The following CRTAC1 variants were observed in gnomAD, a reference collection of about 807,000 sequenced individuals.
CRTAC1 encodes cartilage acidic protein 1.
In CRTAC1, 37 loss-of-function variants were observed where a neutral mutation model predicts 67.8. The observed-to-expected ratio is 0.55, with a 90% CI of 0.42 to 0.72. The LOEUF (loss-of-function observed/expected upper bound fraction) is 0.72, where lower values mean the gene tolerates loss of function less well. Among genes scored for constraint, CRTAC1 ranks in the 30% least tolerant of loss-of-function variants. CRTAC1 has a pLI of 0.00. For missense variants in CRTAC1, 780 were observed against 931.6 expected (o/e 0.84, Z 2.12); for synonymous variants, 348 against 371.0 (o/e 0.94, Z 0.71).
At chr10:98,006,770 A>G (rs544225231) in intron 2 of CRTAC1, among the ~76,000 whole-genome samples, 1 of 152,300 alleles carries the variant, frequency 6.6e-6, no homozygotes, top group East Asian at 1.9e-4. Flanking sequence ...AGGGGTGGCA[A>G]AAGTAAATGC....
chr10:98,011,551 G>A (rs1253678464), intron 1 of CRTAC1, among the ~76,000 whole-genome samples: 2 of 151,300 alleles, frequency 1.3e-5, no homozygotes, highest in East Asian at 1.9e-4. Context: ...ATGGCTGATC[G>A]CCCTTAGCCT....
intron 7 of CRTAC1, among the ~76,000 whole-genome samples, chr10:97,903,798 C>T (rs769047385): frequency 1.6e-4 from 24 of 152,246 alleles, no homozygotes; most frequent in Non-Finnish European, 2.6e-4. Flanking sequence ...ATCACTGTCA[C>T]TAACAGCCCT....
chr10:97,943,615 A>G (rs1216804973), intron 2 of CRTAC1, among the ~76,000 whole-genome samples: 2 of 152,286 alleles, frequency 1.3e-5, no homozygotes, highest in African/African-American at 2.4e-5. Context: ...TGACTTCTAA[A>G]GTCAAACAGC....
intron 2 of CRTAC1, among the ~76,000 whole-genome samples, chr10:97,997,230 TATA>T (rs111567944): frequency 0.19 from 25,188 of 131,396 alleles, 2,394 homozygotes; most frequent in Non-Finnish European, 0.21. Context: ...AAACTTAAAG[TATA>T]ATAATAATAA....
Position 97,889,709 on chromosome 10 carries a change from C to T in CRTAC1, c.1487-5358G>A, listed in dbSNP as rs575732277. On this transcript the variant is annotated intron_variant, in intron 11 of 14. Transcript: ENST00000370597. The stretch of plus-strand genomic sequence containing the variant: ...ACGTGTACACACTCACATACATGTC[C>T]GTGTACTCACACATGCGCACTGCAC... 2.1e-4 allele frequency among the ~76,000 whole-genome samples: 32 copies of T among 152,202 alleles called. No homozygotes were observed. The South Asian group carries it at 6.0e-3, about 29-fold the overall frequency.
At chr10:97,983,693 C>T (rs1352305080) in intron 2 of CRTAC1, among the ~76,000 whole-genome samples, 1 of 152,162 alleles carries the variant, frequency 6.6e-6, no homozygotes, top group African/African-American at 2.4e-5. Flanking sequence ...GATCCAGGAC[C>T]CTAGGCCTGG....
intron 2 of CRTAC1, among the ~76,000 whole-genome samples, chr10:97,965,541 T>C (rs375232228): frequency 6.6e-6 from 1 of 152,228 alleles, no homozygotes; most frequent in African/African-American, 2.4e-5. Context: ...TTTTTCTTTC[T>C]TTCTTTCTTC....
intron 2 of CRTAC1, among the ~76,000 whole-genome samples, chr10:97,991,695 G>C (rs1842460625): frequency 6.6e-6 from 1 of 152,118 alleles, no homozygotes; most frequent in Admixed American, 6.5e-5. Flanking sequence ...TTATTTGACA[G>C]GTATCAGCAA....
At chr10:97,874,168 G>A (rs1255418808) in intron 14 of CRTAC1, among the ~76,000 whole-genome samples, 1 of 152,180 alleles carries the variant, frequency 6.6e-6, no homozygotes, top group Non-Finnish European at 1.5e-5. Context: ...CAGATGCCTT[G>A]GGAAAGTTGC....
At chr10:97,910,151 T>C (rs2050669813) in intron 5 of CRTAC1, among the ~76,000 whole-genome samples, 1 of 152,216 alleles carries the variant, frequency 6.6e-6, no homozygotes, top group African/African-American at 2.4e-5. Context: ...GTGACTTTAG[T>C]TAATAAGAAT....
rs757028399 is a variant in CRTAC1 at position 97,922,938 on chromosome 10, G to C, written c.558+326C>G. On this transcript the variant is annotated intron_variant, in intron 4 of 14. Transcript: ENST00000370597. ...CAGGATTTAGAGCTAGAAGAGGTGG[G>C]TTCATGTCCTAGCCACACCACTCAT... Among the ~76,000 whole-genome samples, 54 of 152,302 alleles carry C rather than the reference G, an allele frequency of 3.5e-4. 1 individual carries two copies. Among genetic ancestry groups the C allele is most frequent in the Middle Eastern group, 3.4e-3 (1 of 294 alleles).
At chr10:98,007,274 G>A (rs1006162272) in intron 2 of CRTAC1, among the ~76,000 whole-genome samples, 4 of 152,158 alleles carry the variant, frequency 2.6e-5, no homozygotes, top group African/African-American at 9.7e-5. Context: ...TGGTCTTATT[G>A]TAAGGCAAGG....
intron 13 of CRTAC1, among the ~76,000 whole-genome samples, chr10:97,881,527 G>A (rs1009053255): frequency 1.1e-4 from 17 of 152,178 alleles, no homozygotes; most frequent in South Asian, 2.1e-4. Flanking sequence ...TTGTGGAGGC[G>A]CGGGGGTGGC....
intron 2 of CRTAC1, among the ~76,000 whole-genome samples, chr10:97,989,261 C>A (rs140309765): frequency 6.6e-6 from 1 of 151,780 alleles, no homozygotes; most frequent in African/African-American, 2.4e-5. Context: ...AAATCAATCT[C>A]TCTCTCTCTC....
intron 14 of CRTAC1, chr10:97,866,521 G>A (rs2050026894): frequency 6.6e-6 from 1 of 152,256 alleles, no homozygotes; most frequent in Admixed American, 6.5e-5. Flanking sequence ...GTATGCACAT[G>A]TGAATGTATG....
chr10:98,002,761 C>CTTTTTTTTTTTTT (rs531021933), intron 2 of CRTAC1, among the ~76,000 whole-genome samples: 2 of 37,268 alleles, frequency 5.4e-5, no homozygotes, highest in African/African-American at 1.6e-4. Flanking sequence ...ACAAAACTCA[C>CTTTTTTTTTTTTT]TTTTTTTTTT....
chr10:97,936,178 G>T lies in CRTAC1; in HGVS notation c.413C>A (p.Ala138Asp), dbSNP rs773032850. The change falls in exon 3 of 15, where the codon GCC (alanine) becomes GAC (aspartate). Residue 138 changes from alanine to aspartate, a missense_variant. By Grantham distance (126) the Ala-to-Asp change is moderately radical. Coordinates refer to ENST00000370597, the MANE Select transcript of CRTAC1 (RefSeq NM_018058.7). ...EEIYFLNTNN[A>D]FSGVATYTDK... Reference sequence around the variant, plus strand: ...TGAGCCCCAGCCCTTACCCGAGAAGGCATTATTGGTGTTGAGGAAGTAGAT... The same window carrying T: ...TGAGCCCCAGCCCTTACCCGAGAAGTCATTATTGGTGTTGAGGAAGTAGAT... 1 of 1,607,148 alleles carries T rather than the reference G, an allele frequency of 6.2e-7. No individual in the cohort carries two copies. Among genetic ancestry groups the T allele is most frequent in the South Asian group, 1.1e-5 (1 of 90,514 alleles).
chr10:97,907,072 C>T (rs908027798), intron 6 of CRTAC1, among the ~76,000 whole-genome samples: 3 of 152,180 alleles, frequency 2.0e-5, no homozygotes, highest in African/African-American at 7.2e-5. Context: ...AATCATACAT[C>T]CGAAAACTCG....
chr10:97,865,744 G>A (rs2050014661), intron 14 of CRTAC1, 30 bp from the exon 15 acceptor site: 2 of 1,559,264 alleles, frequency 1.3e-6, no homozygotes, highest in Non-Finnish European at 1.7e-6. Flanking sequence ...CGGAGTGAGG[G>A]CCTTGCAGAC....
Sources: allele counts gnomAD v4.1 joint callset (sites outside exome capture counted in the v4.1 genomes callset), GRCh38; gene constraint gnomAD v4.1.1; transcripts MANE v1.5; gene names NCBI Gene and HGNC (gene_info 2026-07-23, HGNC 2026-07-21).